The following ASCC3 variants were observed in gnomAD, a reference collection of about 807,000 sequenced individuals.
ASCC3 encodes ASC-1 complex subunit P200.
A neutral mutation model predicts 256.3 loss-of-function variants in ASCC3; 158 were observed. That is an observed-to-expected ratio of 0.62 (90% CI 0.54 to 0.70). The LOEUF (loss-of-function observed/expected upper bound fraction) is 0.70, where lower values mean the gene tolerates loss of function less well. ASCC3 is among the 30% of genes least tolerant of loss of function. The pLI is 0.00. For synonymous variants in ASCC3, 948 were observed against 883.4 expected (o/e 1.07, Z -1.30); for missense variants, 2,259 against 2,626.0 (o/e 0.86, Z 3.05).
At position 100,509,605 on chromosome 6, in the gene ASCC3, C is replaced by G. The variant is rs562918010; in HGVS notation, c.6462-72G>C. 4.6e-5 allele frequency: 68 copies of G among 1,466,418 alleles called. No individual in the cohort carries two copies. The African/African-American group carries it at 9.3e-4, about 20-fold the overall frequency. 90.8% of individuals were successfully genotyped at this position (1,466,418 alleles called of 1,614,324 possible). A position where few individuals can be genotyped will look rare whatever the true frequency, so the allele number is the denominator to read the frequency against. On this transcript the variant is annotated intron_variant, in intron 41 of 41. Coordinates refer to ENST00000369162, the MANE Select transcript of ASCC3 (RefSeq NM_006828.4). ...ACAATCATATTTAATTCTTTCAGAA[C>G]TTTGGTAGTAGGAGGCTGGGTGCGG...
chr6:100,761,443 G>A (rs189905159), intron 10 of ASCC3, among the ~76,000 whole-genome samples: 81 of 152,284 alleles, frequency 5.3e-4, no homozygotes, highest in African/African-American at 1.9e-3. Flanking sequence ...GGCCATTACT[G>A]TGCCACTGTA....
At chr6:100,679,308 T>C (rs1342785479) in intron 14 of ASCC3, among the ~76,000 whole-genome samples, 2 of 152,152 alleles carry the variant, frequency 1.3e-5, no homozygotes, top group East Asian at 3.9e-4. Flanking sequence ...TCTTTAGAAG[T>C]ACAATAATAA....
intron 37 of ASCC3, chr6:100,530,668 G>A: frequency 1.1e-6 from 1 of 874,108 alleles, no homozygotes; most frequent in Middle Eastern, 2.4e-4. Context: ...GAATTAGGAT[G>A]TGACAGCATA....
intron 24 of ASCC3, among the ~76,000 whole-genome samples, chr6:100,639,624 T>C (rs1445687418): frequency 6.6e-6 from 1 of 152,180 alleles, no homozygotes; most frequent in Admixed American, 6.5e-5. Context: ...TTCTGTACCT[T>C]GAGTTAGATG....
intron 37 of ASCC3, among the ~76,000 whole-genome samples, chr6:100,533,467 A>T (rs1775015109): frequency 6.6e-6 from 1 of 152,240 alleles, no homozygotes; most frequent in African/African-American, 2.4e-5. Context: ...CTTAAAATAC[A>T]CACAAGTGTT....
Position 100,851,067 on chromosome 6 carries a change from T to C in ASCC3, c.242-2360A>G, listed in dbSNP as rs114762695. ...AATTTACTAAAAACTTTCACATAAT[T>C]ATCTCACTTTGTCCTAACAAAAGTA... is the stretch of plus-strand genomic sequence containing the variant. On this transcript the variant is annotated intron_variant, in intron 3 of 41. Coordinates refer to ENST00000369162, the MANE Select transcript of ASCC3 (RefSeq NM_006828.4). 3.6e-3 allele frequency among the ~76,000 whole-genome samples: 543 copies of C among 152,234 alleles called. 2 individuals carry two copies. The highest frequency in any genetic ancestry group is 0.012 in the African/African-American group (519 of 41,566).
chr6:100,540,646 C>T (rs76228110), intron 36 of ASCC3, among the ~76,000 whole-genome samples: 2,682 of 152,144 alleles, frequency 0.018, 73 homozygotes, highest in African/African-American at 0.062. Context: ...AGGCATCACA[C>T]ACTATACATG....
intron 13 of ASCC3, among the ~76,000 whole-genome samples, chr6:100,699,356 T>G (rs1197191158): frequency 6.6e-6 from 1 of 152,116 alleles, no homozygotes; most frequent in African/African-American, 2.4e-5. Context: ...CTCTCTCTTT[T>G]CCTGCCGCCA....
In ASCC3 at chr6:100,881,214, C is replaced by A. The variant is rs753118284; in HGVS notation, c.-195G>T. 1 of 152,406 alleles carries A rather than the reference C, an allele frequency of 6.6e-6. No individual in the cohort carries two copies. The highest frequency in any genetic ancestry group is 2.4e-5 in the African/African-American group (1 of 41,466). 9.4% of individuals were successfully genotyped at this position (152,406 alleles called of 1,614,324 possible). A position where few individuals can be genotyped will look rare whatever the true frequency, so the allele number is the denominator to read the frequency against. ...GGCAGCTGTATCGCCGCGCCCCGTC[C>A]GCCCTCCAAGCCGCGCTTGCCGGGG... is the stretch of plus-strand genomic sequence containing the variant. On this transcript the variant is annotated 5_prime_UTR_variant, in exon 1 of 42. Coordinates refer to ENST00000369162, the MANE Select transcript of ASCC3 (RefSeq NM_006828.4).
intron 5 of ASCC3, among the ~76,000 whole-genome samples, 161 bp downstream of exon 5, chr6:100,805,599 G>GT (rs1227576704): frequency 5.5e-4 from 83 of 152,088 alleles, no homozygotes; most frequent in South Asian, 1.0e-3. Context: ...GATCACTTAC[G>GT]TTTTTTCATA....
chr6:100,647,682 A>T (rs1775451181), intron 20 of ASCC3, among the ~76,000 whole-genome samples: 1 of 152,112 alleles, frequency 6.6e-6, no homozygotes, highest in Admixed American at 6.5e-5. Flanking sequence ...GGGAAGCCTT[A>T]TTTCCAAGTT....
chr6:100,533,098 T>G (rs1341784464), intron 37 of ASCC3, among the ~76,000 whole-genome samples: 2 of 152,018 alleles, frequency 1.3e-5, no homozygotes, highest in Admixed American at 6.5e-5. Context: ...TAGCTGTTTT[T>G]TTTTGTTTTG....
intron 3 of ASCC3, chr6:100,858,369 G>T (rs1773061294): frequency 4.0e-6 from 1 of 252,686 alleles, no homozygotes; most frequent in Non-Finnish European, 6.2e-6. Context: ...AGAAACAGAA[G>T]TGGTAACAGG....
At chr6:100,540,089 A>T in intron 37 of ASCC3, 74 bp downstream of exon 37, 2 of 1,370,334 alleles carry the variant, frequency 1.5e-6, no homozygotes, top group Non-Finnish European at 2.1e-6. Flanking sequence ...AGTACATTTT[A>T]TCCTAAAACT....
intron 10 of ASCC3, among the ~76,000 whole-genome samples, chr6:100,731,916 C>T (rs779292754): frequency 2.2e-4 from 33 of 152,082 alleles, no homozygotes; most frequent in Admixed American, 3.9e-4. Context: ...AATCCCAGCA[C>T]TTTGGGAGGC....
At chr6:100,808,844 G>A (rs1256196422) in intron 4 of ASCC3, among the ~76,000 whole-genome samples, 6 of 151,816 alleles carry the variant, frequency 4.0e-5, no homozygotes, top group Non-Finnish European at 8.8e-5. Flanking sequence ...AGACTATATG[G>A]TGTAGCCTAT....
intron 11 of ASCC3, among the ~76,000 whole-genome samples, chr6:100,724,270 G>A (rs1047399560): frequency 1.3e-4 from 19 of 151,088 alleles, no homozygotes; most frequent in Non-Finnish European, 1.6e-4. Context: ...CATCAAAAAT[G>A]AGTAGAATCA....
intron 3 of ASCC3, among the ~76,000 whole-genome samples, chr6:100,851,547 C>T (rs1343599426): frequency 1.3e-5 from 2 of 152,096 alleles, no homozygotes; most frequent in Non-Finnish European, 1.5e-5. Context: ...CAAAGATCAA[C>T]TTTTTTGGAG....
chr6:100,755,721 C>T (rs1781147747), intron 10 of ASCC3, among the ~76,000 whole-genome samples: 1 of 152,056 alleles, frequency 6.6e-6, no homozygotes, highest in South Asian at 2.1e-4. Flanking sequence ...CTATTATTTT[C>T]ATTTTCACTC....
Sources: allele counts gnomAD v4.1 joint callset (sites outside exome capture counted in the v4.1 genomes callset), GRCh38; gene constraint gnomAD v4.1.1; transcripts MANE v1.5; gene names NCBI Gene and HGNC (gene_info 2026-07-23, HGNC 2026-07-21).